Variants in NDST3 observed in about 807,000 individuals in gnomAD.
NDST3 encodes bifunctional heparan sulfate N-deacetylase/N-sulfotransferase 3.
In NDST3, 58 loss-of-function variants were observed where a neutral mutation model predicts 96.1. The observed-to-expected ratio is 0.60, with a 90% confidence interval of 0.49 to 0.75. The LOEUF is 0.75. NDST3 is among the 30% of genes least tolerant of loss of function. The pLI, the probability that NDST3 is intolerant of heterozygous loss-of-function variation, is 0.00. For synonymous variants in NDST3, 333 were observed against 359.7 expected, an observed-to-expected ratio of 0.93 and a Z score of 0.84; for missense variants, 788 against 1,034.2, an observed-to-expected ratio of 0.76 and a Z score of 3.27.
chr4:118,066,106 A>T (rs866792136), intron 2 of NDST3, among the ~76,000 whole-genome samples: 7 of 28,744 alleles, frequency 2.4e-4, no homozygotes, highest in Admixed American at 8.5e-4. Context: ...ATATTATATA[A>T]TATATTTTAT....
intron 4 of NDST3, among the ~76,000 whole-genome samples, chr4:118,117,585 C>T (rs1019705858): frequency 1.3e-5 from 2 of 152,056 alleles, no homozygotes; most frequent in African/African-American, 2.4e-5. Context: ...CCAATTTTAA[C>T]ATATTTTTAT....
chr4:118,172,161 T>C (rs1166685305), intron 6 of NDST3, among the ~76,000 whole-genome samples: 2 of 152,148 alleles, frequency 1.3e-5, no homozygotes, highest in Non-Finnish European at 1.5e-5. Context: ...TCTCTAACCA[T>C]AGTAAAATAA....
Position 118,238,582 on chromosome 4 carries a change from TA to T in NDST3, c.2118+1368del, listed in dbSNP as rs1470955959. Among the ~76,000 whole-genome samples, 31 of 152,296 alleles carry T rather than the reference TA, an allele frequency of 2.0e-4. No homozygotes were observed. In the East Asian group the frequency reaches 6.0e-3, roughly 29 times the overall value. On this transcript the variant is annotated intron_variant, in intron 10 of 13. Coordinates refer to ENST00000296499, the MANE Select transcript of NDST3 (RefSeq NM_004784.3). The stretch of plus-strand genomic sequence containing the variant: ...GTTCTCATTTCTCAGTTTTGTAACT[TA>T]AAAAATGCTTTCCTACTGTTCATGT...
At chr4:118,238,146 AAAAGAAAGAAAAGAAAGAAAGAAAGAAAG>A (rs1560738435) in intron 10 of NDST3, among the ~76,000 whole-genome samples, 4 of 83,822 alleles carry the variant, frequency 4.8e-5, no homozygotes, top group African/African-American at 1.4e-4. Flanking sequence ...AGAGAGAGAG[AAAAGAAAGAAAAGAAAGAAAGAAAGAAAG>A]AAAGAAAGAA....
intron 1 of NDST3, among the ~76,000 whole-genome samples, chr4:118,038,486 T>C (rs938817302): frequency 1.3e-5 from 2 of 152,200 alleles, no homozygotes; most frequent in African/African-American, 2.4e-5. Context: ...TTTTAAAAAT[T>C]GCAGTTCTAG....
At chr4:118,254,656 T>C (rs1405929559) in intron 13 of NDST3, among the ~76,000 whole-genome samples, 54 of 152,210 alleles carry the variant, frequency 3.5e-4, no homozygotes, top group Admixed American at 3.5e-3. Context: ...TAGATTTTGA[T>C]TTGTAAATTT....
chr4:118,152,443 A>T (rs766664230), intron 6 of NDST3, among the ~76,000 whole-genome samples: 1 of 152,176 alleles, frequency 6.6e-6, no homozygotes, highest in Non-Finnish European at 1.5e-5. Context: ...GGTCCATAAA[A>T]ATCAGAATTT....
intron 6 of NDST3, among the ~76,000 whole-genome samples, chr4:118,152,614 A>G (rs1322265193): frequency 6.6e-6 from 1 of 152,206 alleles, no homozygotes; most frequent in Admixed American, 6.5e-5. Context: ...TAAACAAGGT[A>G]AAGAAAAAAA....
At chr4:118,246,748 C>T (rs746682132) in intron 12 of NDST3, among the ~76,000 whole-genome samples, 1 of 152,080 alleles carries the variant, frequency 6.6e-6, no homozygotes, top group Non-Finnish European at 1.5e-5. Context: ...ATACCAGCAG[C>T]GGAAATGCCA....
chr4:118,038,399 G>A (rs1724265364), intron 1 of NDST3, among the ~76,000 whole-genome samples: 1 of 152,192 alleles, frequency 6.6e-6, no homozygotes, highest in Non-Finnish European at 1.5e-5. Context: ...GAGGGAGAAT[G>A]ATAATAGAAA....
rs1740896427 is a variant in NDST3 at position 118,239,785 on chromosome 4, T to C, written c.2119-739T>C. On this transcript the variant is annotated intron_variant, in intron 10 of 13. Coordinates refer to ENST00000296499, the MANE Select transcript of NDST3 (RefSeq NM_004784.3). Reference sequence around the variant, plus strand: ...AATTGCAGAAAATTTGCTATTCAACTAGATGAGGTAAACATCCACAAACTC... The same window carrying C: ...AATTGCAGAAAATTTGCTATTCAACCAGATGAGGTAAACATCCACAAACTC... Among the ~76,000 whole-genome samples, 7 of 152,154 alleles carry C rather than the reference T, an allele frequency of 4.6e-5. No homozygotes were observed. In the South Asian group the frequency reaches 1.2e-3, roughly 27 times the overall value.
chr4:118,093,123 G>T (rs1729014496), intron 2 of NDST3, among the ~76,000 whole-genome samples: 3 of 151,768 alleles, frequency 2.0e-5, no homozygotes, highest in Non-Finnish European at 4.4e-5. Flanking sequence ...AGAATGAATG[G>T]ATTCCTAAAA....
Position 118,207,761 on chromosome 4 carries a change from G to A in NDST3, c.1540-16730G>A, listed in dbSNP as rs554123320. On this transcript the variant is annotated intron_variant, in intron 6 of 13. Transcript: ENST00000296499. ...TTAATGAAACCATTTATTAAAATCC[G>A]TGTAATTCTTTCAAAATTCTAACAT... Among the ~76,000 whole-genome samples, 3 of 144,600 alleles carry A rather than the reference G, an allele frequency of 2.1e-5. No individual in the cohort carries two copies. In the East Asian group the frequency reaches 5.9e-4, roughly 28 times the overall value. The allele number at this position is 144,600 out of a possible 152,430, so 94.9% of individuals were successfully genotyped here.
chr4:118,128,205 C>T (rs1020942367), intron 4 of NDST3, among the ~76,000 whole-genome samples: 1 of 151,896 alleles, frequency 6.6e-6, no homozygotes, highest in Non-Finnish European at 1.5e-5. Context: ...GCTCTAGCTA[C>T]GACTTCCAGT....
At chr4:118,089,037 T>C (rs1322968705) in intron 2 of NDST3, among the ~76,000 whole-genome samples, 2 of 151,956 alleles carry the variant, frequency 1.3e-5, no homozygotes, top group Non-Finnish European at 2.9e-5. Flanking sequence ...ATTGGAAACA[T>C]TTGTGGAAAA....
Position 118,062,412 on chromosome 4 carries a change from T to C in NDST3, c.981+7521T>C, listed in dbSNP as rs142861000. Among the ~76,000 whole-genome samples the C allele has an allele frequency of 1.3e-3, 204 of 152,270 alleles. 4 individuals are homozygous for C. The East Asian group carries it at 0.038, about 28-fold the overall frequency. The stretch of plus-strand genomic sequence containing the variant: ...CCACTGGTCCCTAATAGTTTTATGA[T>C]TGTCACAATATTAGGCAATTTGAGA... On this transcript the variant is annotated intron_variant, in intron 2 of 13. Coordinates refer to ENST00000296499, the MANE Select transcript of NDST3 (RefSeq NM_004784.3).
At chr4:118,052,960 G>A (rs906123566) in intron 1 of NDST3, among the ~76,000 whole-genome samples, 2 of 151,924 alleles carry the variant, frequency 1.3e-5, no homozygotes, top group Non-Finnish European at 2.9e-5. Context: ...CATTTTTGGA[G>A]TAGTTTTTCA....
intron 2 of NDST3, among the ~76,000 whole-genome samples, chr4:118,081,475 C>T (rs972738548): frequency 1.3e-5 from 2 of 152,050 alleles, no homozygotes; most frequent in African/African-American, 2.4e-5. Context: ...AAAAAATGTA[C>T]TTAGTTTTAC....
chr4:118,207,007 A>G lies in NDST3; in HGVS notation c.1540-17484A>G, dbSNP rs566378719. ...TAACAGAATTACAGCATATATATAT[A>G]TAATAAGAATGGGGAAGTCCCTTAT... On this transcript the variant is annotated intron_variant, in intron 6 of 13. Coordinates refer to ENST00000296499, the MANE Select transcript of NDST3 (RefSeq NM_004784.3). Among the ~76,000 whole-genome samples, 6 of 143,820 alleles carry G rather than the reference A, an allele frequency of 4.2e-5. No homozygotes were observed. The South Asian group carries it at 1.4e-3, about 34-fold the overall frequency. 94.4% of individuals were successfully genotyped at this position (143,820 alleles called of 152,430 possible).
Sources: gnomAD v4.1 joint callset for allele counts (sites outside exome capture counted in the v4.1 genomes callset) on GRCh38, gnomAD v4.1.1 for gene constraint, MANE v1.5 for transcripts, NCBI Gene and HGNC (gene_info 2026-07-23, HGNC 2026-07-21) for gene names.